Variants in TNR observed in about 807,000 individuals in gnomAD.
TNR encodes tenascin-R.
TNR carries 45 observed loss-of-function variants against 150.4 expected under a neutral mutation model. That is an observed-to-expected ratio of 0.30 (90% confidence interval 0.24 to 0.38). The LOEUF (loss-of-function observed/expected upper bound fraction) is 0.38, where lower values mean the gene tolerates loss of function less well. Among genes scored for constraint, TNR ranks in the 10% least tolerant of loss-of-function variants. The probability of loss-of-function intolerance (pLI) is 1.00; values close to 1 mark genes in which losing one functional copy is unlikely to be tolerated. For missense variants in TNR, 1,544 were observed against 1,759.1 expected, an observed-to-expected ratio of 0.88 and a Z score of 2.19; for synonymous variants, 687 against 678.4, an observed-to-expected ratio of 1.01 and a Z score of -0.20.
At chr1:175,581,908 T>C (rs1427329650) in intron 1 of TNR, among the ~76,000 whole-genome samples, 3 of 152,084 alleles carry the variant, frequency 2.0e-5, no homozygotes, top group African/African-American at 7.2e-5. Context: ...TAGCACATGT[T>C]TGGGATGTGA....
At chr1:175,692,560 C>T (rs1353748750) in intron 1 of TNR, among the ~76,000 whole-genome samples, 1 of 152,138 alleles carries the variant, frequency 6.6e-6, no homozygotes. Context: ...AACAAGTAAG[C>T]TCATTTTCCC....
chr1:175,650,126 T>C (rs116706671), intron 1 of TNR, among the ~76,000 whole-genome samples: 2,636 of 152,262 alleles, frequency 0.017, 36 homozygotes, highest in Non-Finnish European at 0.027. Flanking sequence ...TATCAATGTT[T>C]ATTGGGAGGC....
intron 1 of TNR, among the ~76,000 whole-genome samples, chr1:175,651,020 A>C (rs996656158): frequency 0.014 from 24 of 1,666 alleles, no homozygotes; most frequent in East Asian, 0.05. Context: ...TCATTATTCC[A>C]CCTTCCCCAC....
chr1:175,559,404 A>G (rs1661325239), intron 1 of TNR, among the ~76,000 whole-genome samples: 1 of 152,198 alleles, frequency 6.6e-6, no homozygotes, highest in African/African-American at 2.4e-5. Flanking sequence ...ATATGGACCT[A>G]TATATCCAAC....
intron 2 of TNR, among the ~76,000 whole-genome samples, chr1:175,514,152 G>T (rs1482153437): frequency 6.6e-6 from 1 of 152,194 alleles, no homozygotes; most frequent in African/African-American, 2.4e-5. Flanking sequence ...TTAAAATAGG[G>T]AGATTAACCT....
Position 175,471,018 on chromosome 1 carries a change from G to A in TNR, c.-64+57251C>T, listed in dbSNP as rs575932243. ...GAAATTTTAGCTGTTTCTGCAGGGC[G>A]GAATGAAGAAGTCAGTTTGTGTTGC... On this transcript the variant is annotated intron_variant, in intron 2 of 22. Coordinates refer to ENST00000367674, the MANE Select transcript of TNR (RefSeq NM_003285.3). 8.5e-5 allele frequency among the ~76,000 whole-genome samples: 13 copies of A among 152,338 alleles called. No homozygotes were observed. The South Asian group carries it at 2.1e-3, about 24-fold the overall frequency.
chr1:175,713,774 AAGG>A (rs1203420361), intron 1 of TNR, among the ~76,000 whole-genome samples: 3 of 152,192 alleles, frequency 2.0e-5, no homozygotes, highest in South Asian at 2.1e-4. Flanking sequence ...TGCATGAGAG[AAGG>A]AGGAGAGAGC....
At chr1:175,700,399 C>T (rs1000451215) in intron 1 of TNR, among the ~76,000 whole-genome samples, 35 of 152,202 alleles carry the variant, frequency 2.3e-4, no homozygotes, top group African/African-American at 8.2e-4. Flanking sequence ...GAAGTGATGT[C>T]ACTGCTCTTA....
At position 175,565,342 on chromosome 1, in the gene TNR, C is replaced by T. The variant is rs115400462; in HGVS notation, c.-164-36973G>A. Among the ~76,000 whole-genome samples the T allele has an allele frequency of 2.2e-3, 335 of 152,328 alleles. 1 individual carries two copies. Among genetic ancestry groups the T allele is most frequent in the South Asian group, 0.017 (83 of 4,824 alleles). On this transcript the variant is annotated intron_variant, in intron 1 of 22. Transcript: ENST00000367674. ...AGAACAGAAATGGTGAATCTACAAA[C>T]GAGGTCAGACAAACCGGTGGAGGAT... is the stretch of plus-strand genomic sequence containing the variant.
chr1:175,490,259 C>G (rs1446212756), intron 2 of TNR, among the ~76,000 whole-genome samples: 1 of 152,158 alleles, frequency 6.6e-6, no homozygotes, highest in African/African-American at 2.4e-5. Context: ...AAACCCAAAA[C>G]TATAAAAACC....
At chr1:175,331,413 G>A (rs377059729) in intron 20 of TNR, among the ~76,000 whole-genome samples, 1 of 151,796 alleles carries the variant, frequency 6.6e-6, no homozygotes, top group African/African-American at 2.4e-5. Flanking sequence ...ACAGGCACAC[G>A]CCACCATGCC....
intron 1 of TNR, among the ~76,000 whole-genome samples, chr1:175,654,459 G>A (rs143801989): frequency 3.9e-5 from 6 of 152,214 alleles, no homozygotes; most frequent in Non-Finnish European, 7.4e-5. Context: ...AGGTAACATC[G>A]CGCTCTCCCA....
At chr1:175,699,726 G>A (rs138891924) in intron 1 of TNR, among the ~76,000 whole-genome samples, 3 of 152,260 alleles carry the variant, frequency 2.0e-5, no homozygotes, top group Non-Finnish European at 4.4e-5. Context: ...GCTTACAACA[G>A]AGATTGTGGA....
intron 2 of TNR, among the ~76,000 whole-genome samples, chr1:175,423,352 A>G (rs1173435905): frequency 1.3e-5 from 2 of 152,042 alleles, no homozygotes; most frequent in Non-Finnish European, 2.9e-5. Flanking sequence ...CTGGGTGCTA[A>G]ATTAATTGTT....
chr1:175,553,654 T>C (rs1222615554), intron 1 of TNR, among the ~76,000 whole-genome samples: 1 of 152,138 alleles, frequency 6.6e-6, no homozygotes, highest in African/African-American at 2.4e-5. Flanking sequence ...GCATTTTTAA[T>C]TCAGAAAGAA....
At chr1:175,671,747 T>C (rs1018036571) in intron 1 of TNR, among the ~76,000 whole-genome samples, 3 of 152,246 alleles carry the variant, frequency 2.0e-5, no homozygotes, top group Admixed American at 2.0e-4. Context: ...CTAATGACTC[T>C]ACAAGGGAGT....
At chr1:175,422,004 C>A (rs1654772693) in intron 2 of TNR, among the ~76,000 whole-genome samples, 3 of 152,216 alleles carry the variant, frequency 2.0e-5, no homozygotes, top group Admixed American at 2.0e-4. Flanking sequence ...CATATCACAT[C>A]ATTACTATCC....
chr1:175,728,947 A>T (rs576233075), intron 1 of TNR, among the ~76,000 whole-genome samples: 1 of 152,326 alleles, frequency 6.6e-6, no homozygotes, highest in East Asian at 1.9e-4. Flanking sequence ...CTAATGAGTG[A>T]TGAAGCCGGG....
intron 1 of TNR, among the ~76,000 whole-genome samples, chr1:175,609,466 A>G (rs1397808408): frequency 6.6e-6 from 1 of 152,138 alleles, no homozygotes; most frequent in Non-Finnish European, 1.5e-5. Flanking sequence ...GTGACTTGGG[A>G]GATCGATCTT....
Sources: gnomAD v4.1 joint callset for allele counts (sites outside exome capture counted in the v4.1 genomes callset) on GRCh38, gnomAD v4.1.1 for gene constraint, MANE v1.5 for transcripts, NCBI Gene and HGNC (gene_info 2026-07-23, HGNC 2026-07-21) for gene names.